Variants in ZNF475 observed in about 807,000 individuals in gnomAD.
ZNF475 encodes zinc finger protein 475.
the ZNF475 span, among the ~76,000 whole-genome samples, chr5:122,173,191 T>C: frequency 6.6e-6 from 1 of 152,240 alleles, no homozygotes; most frequent in Non-Finnish European, 1.5e-5. Flanking sequence ...TTCTGACCAA[T>C]TGTCATACTT....
chr5:122,165,335 A>G, the ZNF475 span, among the ~76,000 whole-genome samples: 2 of 152,238 alleles, frequency 1.3e-5, no homozygotes, highest in Non-Finnish European at 1.5e-5. Flanking sequence ...ATATTTATGG[A>G]CTAGCAAACT....
At chr5:122,179,501 G>A in the ZNF475 span, 6 of 870,312 alleles carry the variant, frequency 6.9e-6, no homozygotes, top group African/African-American at 8.5e-5. Flanking sequence ...TCTCTTTGTA[G>A]CAATTGTGAA....
chr5:122,169,009 C>T, the ZNF475 span, among the ~76,000 whole-genome samples: 16 of 152,282 alleles, frequency 1.1e-4, no homozygotes, highest in African/African-American at 3.1e-4. Context: ...GAACATGTTG[C>T]GACCTTCAAC....
the ZNF475 span, among the ~76,000 whole-genome samples, chr5:122,175,213 C>G: frequency 6.6e-6 from 1 of 152,154 alleles, no homozygotes; most frequent in African/African-American, 2.4e-5. Flanking sequence ...ATTTATTCAT[C>G]TAAAATCTCT....
chr5:122,178,507 A>T, the ZNF475 span, among the ~76,000 whole-genome samples: 3 of 152,126 alleles, frequency 2.0e-5, no homozygotes, highest in Admixed American at 6.6e-5. Context: ...GTTTTTTCAT[A>T]TGTTTTTGGG....
the ZNF475 span, among the ~76,000 whole-genome samples, chr5:122,165,081 G>T: frequency 2.6e-5 from 4 of 152,210 alleles, no homozygotes; most frequent in African/African-American, 9.6e-5. Flanking sequence ...CTGGCACATT[G>T]TCAGTAATCA....
chr5:122,162,450 T>C, the ZNF475 span: 2 of 152,220 alleles, frequency 1.3e-5, no homozygotes, highest in Non-Finnish European at 2.9e-5. Flanking sequence ...AACTCTGCAA[T>C]TGTTAAGGTT....
At chr5:122,177,739 A>G in the ZNF475 span, among the ~76,000 whole-genome samples, 1 of 151,992 alleles carries the variant, frequency 6.6e-6, no homozygotes, top group Non-Finnish European at 1.5e-5. Context: ...TATCTAACAG[A>G]CATTTTTTCT....
chr5:122,176,765 G>T, the ZNF475 span, among the ~76,000 whole-genome samples: 666 of 152,210 alleles, frequency 4.4e-3, 7 homozygotes, highest in African/African-American at 0.015. Context: ...TGGTACTATT[G>T]ATCTATGTTC....
the ZNF475 span, among the ~76,000 whole-genome samples, chr5:122,169,597 T>C: frequency 6.6e-6 from 1 of 152,128 alleles, no homozygotes; most frequent in African/African-American, 2.4e-5. Context: ...TGGACTTTAG[T>C]CTGTAGCCAC....
At chr5:122,176,804 A>G in the ZNF475 span, among the ~76,000 whole-genome samples, 4 of 152,234 alleles carry the variant, frequency 2.6e-5, no homozygotes, top group Admixed American at 1.3e-4. Context: ...TAGTTCATCT[A>G]TTTATCTTGC....
At chr5:122,180,102 G>C in the ZNF475 span, 2 of 152,716 alleles carry the variant, frequency 1.3e-5, no homozygotes, top group African/African-American at 4.8e-5. Flanking sequence ...AAACCTTTGG[G>C]AACATCCAAA....
At chr5:122,174,669 T>G in the ZNF475 span, among the ~76,000 whole-genome samples, 1 of 152,246 alleles carries the variant, frequency 6.6e-6, no homozygotes, top group Non-Finnish European at 1.5e-5. Context: ...GCCTGTTTTC[T>G]TCTAACTTTC....
At chr5:122,181,875 CT>C in the ZNF475 span, among the ~76,000 whole-genome samples, 1 of 152,098 alleles carries the variant, frequency 6.6e-6, no homozygotes, top group Non-Finnish European at 1.5e-5. Context: ...TTGTTATTTT[CT>C]TAAGGACGTA....
the ZNF475 span, among the ~76,000 whole-genome samples, chr5:122,172,749 G>A: frequency 6.6e-6 from 1 of 152,152 alleles, no homozygotes; most frequent in Non-Finnish European, 1.5e-5. Context: ...GTGAACAAAT[G>A]TGGGCCGGGC....
At chr5:122,170,515 A>G in the ZNF475 span, among the ~76,000 whole-genome samples, 1 of 152,208 alleles carries the variant, frequency 6.6e-6, no homozygotes, top group Non-Finnish European at 1.5e-5. Context: ...ATGAATAGGT[A>G]CACAGGGCAA....
At chr5:122,161,297 C>T in the ZNF475 span, among the ~76,000 whole-genome samples, 1 of 152,186 alleles carries the variant, frequency 6.6e-6, no homozygotes, top group Admixed American at 6.5e-5. Context: ...ATGCCATGGT[C>T]CCATCTTTAA....
chr5:122,160,543 T>C, the ZNF475 span, among the ~76,000 whole-genome samples: 2 of 152,204 alleles, frequency 1.3e-5, no homozygotes, highest in Non-Finnish European at 2.9e-5. Flanking sequence ...GACACTGTGA[T>C]AGATACAACT....
chr5:122,175,111 T>A, the ZNF475 span, among the ~76,000 whole-genome samples: 4 of 152,158 alleles, frequency 2.6e-5, no homozygotes, highest in African/African-American at 9.7e-5. Flanking sequence ...TAGAAAAAAA[T>A]TCCACTTCAA....
Sources: gnomAD v4.1 joint callset for allele counts (sites outside exome capture counted in the v4.1 genomes callset) on GRCh38, gnomAD v4.1.1 for gene constraint, MANE v1.5 for transcripts, NCBI Gene and HGNC (gene_info 2026-07-23, HGNC 2026-07-21) for gene names.